STXBP5L: variants seen among roughly 807,000 people sequenced by gnomAD.
STXBP5L encodes syntaxin-binding protein 5-like.
In STXBP5L, 65 loss-of-function variants were observed where a neutral mutation model predicts 144.5. That is an observed-to-expected ratio of 0.45 (90% CI 0.37 to 0.55). STXBP5L has a LOEUF of 0.55. Among genes scored for constraint, STXBP5L ranks in the 20% least tolerant of loss-of-function variants. STXBP5L has a pLI of 0.00. For missense variants in STXBP5L, 1,298 were observed against 1,405.5 expected, an observed-to-expected ratio of 0.92 and a Z score of 1.22; for synonymous variants, 505 against 469.6, an observed-to-expected ratio of 1.08 and a Z score of -0.97.
chr3:121,180,970 G>A (rs1577133032), intron 9 of STXBP5L, among the ~76,000 whole-genome samples: 4 of 151,836 alleles, frequency 2.6e-5, no homozygotes, highest in South Asian at 2.1e-4. Context: ...GGGTAAGGGA[G>A]GGAAGGGGAG....
intron 10 of STXBP5L, among the ~76,000 whole-genome samples, chr3:121,218,522 T>C (rs945529598): frequency 6.6e-6 from 1 of 151,620 alleles, no homozygotes; most frequent in Non-Finnish European, 1.5e-5. Flanking sequence ...GTGATTTCCA[T>C]ACAACATGGA....
intron 20 of STXBP5L, among the ~76,000 whole-genome samples, chr3:121,348,866 T>C (rs2045132492): frequency 6.6e-6 from 1 of 152,052 alleles, no homozygotes; most frequent in South Asian, 2.1e-4. Context: ...TTATTATTCT[T>C]ACTAGCAGTC....
At chr3:121,345,033 A>C (rs1176753542) in intron 20 of STXBP5L, among the ~76,000 whole-genome samples, 2 of 151,878 alleles carry the variant, frequency 1.3e-5, no homozygotes, top group African/African-American at 2.4e-5. Flanking sequence ...ATTAAACTTT[A>C]AGTTCTAGGG....
At chr3:121,184,884 A>G (rs2047309463) in intron 9 of STXBP5L, among the ~76,000 whole-genome samples, 1 of 152,220 alleles carries the variant, frequency 6.6e-6, no homozygotes, top group Non-Finnish European at 1.5e-5. Context: ...AAACCCTACA[A>G]GCCAAAAGAG....
chr3:121,285,374 A>C (rs1407889789), intron 19 of STXBP5L, among the ~76,000 whole-genome samples: 2 of 152,128 alleles, frequency 1.3e-5, no homozygotes, highest in African/African-American at 4.8e-5. Flanking sequence ...TTTTCACTGT[A>C]TAATCTTGGA....
chr3:121,347,514 T>C (rs1234577729), intron 20 of STXBP5L, among the ~76,000 whole-genome samples: 1 of 152,206 alleles, frequency 6.6e-6, no homozygotes, highest in African/African-American at 2.4e-5. Context: ...GGTAACTTGA[T>C]GGGGATGGCA....
At chr3:121,139,989 A>G (rs1292985613) in intron 7 of STXBP5L, among the ~76,000 whole-genome samples, 1 of 152,078 alleles carries the variant, frequency 6.6e-6, no homozygotes, top group Non-Finnish European at 1.5e-5. Context: ...AAATGGACAA[A>G]ATAGACATGT....
At chr3:121,053,439 A>T (rs570217597) in intron 5 of STXBP5L, among the ~76,000 whole-genome samples, 3 of 152,210 alleles carry the variant, frequency 2.0e-5, no homozygotes, top group South Asian at 4.1e-4. Flanking sequence ...ATAATTCTGC[A>T]TATCTACAAC....
intron 11 of STXBP5L, among the ~76,000 whole-genome samples, chr3:121,231,142 T>C (rs549198930): frequency 6.7e-4 from 102 of 152,246 alleles, no homozygotes; most frequent in African/African-American, 2.3e-3. Flanking sequence ...AATATGCACA[T>C]TGTGGCCTCA....
At chr3:121,122,798 C>T (rs2044529017) in intron 7 of STXBP5L, among the ~76,000 whole-genome samples, 1 of 151,368 alleles carries the variant, frequency 6.6e-6, no homozygotes, top group Admixed American at 6.6e-5. Context: ...TAGGGACACT[C>T]TTGGGCAAAA....
intron 3 of STXBP5L, among the ~76,000 whole-genome samples, chr3:120,978,962 G>T (rs111984858): frequency 0.21 from 32,468 of 152,114 alleles, 3,697 homozygotes; most frequent in Non-Finnish European, 0.26. Context: ...TTACTGGGGG[G>T]TGCCTCCCAG....
chr3:121,005,309 T>C (rs1025360056), intron 3 of STXBP5L, among the ~76,000 whole-genome samples: 3 of 152,208 alleles, frequency 2.0e-5, no homozygotes, highest in Non-Finnish European at 2.9e-5. Flanking sequence ...AATTTATCCA[T>C]TTCTTCTAGA....
intron 9 of STXBP5L, among the ~76,000 whole-genome samples, chr3:121,200,387 G>A (rs2108209911): frequency 6.6e-6 from 1 of 151,926 alleles, no homozygotes; most frequent in East Asian, 1.9e-4. Context: ...TTCTTCATTA[G>A]TCTAGCTAGC....
At chr3:121,344,691 A>T (rs2044879683) in intron 20 of STXBP5L, among the ~76,000 whole-genome samples, 1 of 152,060 alleles carries the variant, frequency 6.6e-6, no homozygotes, top group Non-Finnish European at 1.5e-5. Context: ...TACCCAATAA[A>T]AGAGTTAATA....
intron 20 of STXBP5L, among the ~76,000 whole-genome samples, chr3:121,341,865 A>AC (rs2044725545): frequency 9.0e-6 from 1 of 110,500 alleles, no homozygotes; most frequent in Non-Finnish European, 2.0e-5. Flanking sequence ...AGGGTAGTGA[A>AC]GGGAAAGTGG....
chr3:121,340,678 G>T (rs1406508199), intron 20 of STXBP5L, among the ~76,000 whole-genome samples: 1 of 152,032 alleles, frequency 6.6e-6, no homozygotes, highest in Non-Finnish European at 1.5e-5. Flanking sequence ...TTTTATGGCT[G>T]CAGAGTATTC....
rs1166807752 is a variant in STXBP5L, at chr3:121,279,953, G to A, written c.2107G>A (p.Ala703Thr). The A allele has an allele frequency of 1.2e-6, 2 of 1,610,672 alleles. No homozygotes were observed. The highest frequency in any genetic ancestry group is 1.7e-6 in the Non-Finnish European group (2 of 1,178,248). The change falls in exon 19 of 27, where the codon GCA (alanine) becomes ACA (threonine). Residue 703 changes from alanine (A) to threonine (T), a missense_variant. Physicochemically the swap from Ala to Thr is moderately conservative, Grantham distance 58 (BLOSUM62 0). Coordinates refer to ENST00000471454, the MANE Select transcript of STXBP5L (RefSeq NM_001308330.2). Reference sequence around the variant, plus strand: ...TCCTCGAAAAAACAAACAGTTCATTGCAGGTAGGAGATAAAACAAGATGAG... The same window carrying A: ...TCCTCGAAAAAACAAACAGTTCATTACAGGTAGGAGATAAAACAAGATGAG... ...RSPRKNKQFI[A>T]GLTELNDSPV... is the part of the protein sequence containing the mutation.
At chr3:120,946,910 G>T (rs763224396) in intron 2 of STXBP5L, among the ~76,000 whole-genome samples, 2 of 151,678 alleles carry the variant, frequency 1.3e-5, no homozygotes, top group Admixed American at 6.6e-5. Flanking sequence ...CTGAGTACAG[G>T]TTTATGTATT....
chr3:121,077,519 A>G (rs1038204982), intron 5 of STXBP5L, among the ~76,000 whole-genome samples: 1 of 152,154 alleles, frequency 6.6e-6, no homozygotes, highest in East Asian at 1.9e-4. Context: ...CCAAAGAGTG[A>G]GCAGCAGCAA....
Sources: gnomAD v4.1 joint callset for allele counts (sites outside exome capture counted in the v4.1 genomes callset) on GRCh38, gnomAD v4.1.1 for gene constraint, MANE v1.5 for transcripts, NCBI Gene and HGNC (gene_info 2026-07-23, HGNC 2026-07-21) for gene names.